The following MZT1 variants were observed in gnomAD, a reference collection of about 807,000 sequenced individuals.
The protein encoded by MZT1 is mitotic spindle organizing protein 1, also known as mitotic-spindle organizing protein 1.
A neutral mutation model predicts 8.5 loss-of-function variants in MZT1; 8 were observed. The ratio of observed to expected loss-of-function variants is 0.94; its 90% CI spans 0.55 to 1.70. The LOEUF (loss-of-function observed/expected upper bound fraction) is 1.70, where lower values mean the gene tolerates loss of function less well. MZT1 is among the 40% of genes most tolerant of loss of function. The probability of loss-of-function intolerance (pLI) is 0.00; values close to 1 mark genes in which losing one functional copy is unlikely to be tolerated. For missense variants in MZT1, 93 were observed against 108.6 expected (o/e 0.86, Z 0.64); for synonymous variants, 38 against 42.0 (o/e 0.90, Z 0.37).
rs1308387606 is a variant in MZT1, at chr13:72,715,766, T to G, written c.225+3186A>C. On this transcript the variant is annotated intron_variant, in intron 2 of 2. Coordinates refer to ENST00000377818, the MANE Select transcript of MZT1 (RefSeq NM_001071775.3). ...CTCTCTTGCTCCTGTTTTTGCCATG[T>G]GACATGCCTTCTCCCCCTTTGTTTC... 2.0e-5 allele frequency among the ~76,000 whole-genome samples: 3 copies of G among 152,180 alleles called. No homozygotes were observed. The East Asian group carries it at 5.8e-4, about 29-fold the overall frequency.
chr13:72,724,719 C>CATAT (rs1217685191), intron 1 of MZT1, among the ~76,000 whole-genome samples: 15 of 27,798 alleles, frequency 5.4e-4, no homozygotes, highest in East Asian at 3.5e-3. Flanking sequence ...TATATATATA[C>CATAT]ATATATATAT....
At chr13:72,725,222 C>T (rs2138021453) in intron 1 of MZT1, among the ~76,000 whole-genome samples, 1 of 152,040 alleles carries the variant, frequency 6.6e-6, no homozygotes, top group South Asian at 2.1e-4. Flanking sequence ...AAGAGGCAAC[C>T]ATACACAGTG....
chr13:72,726,312 T>G (rs921534096), intron 1 of MZT1, among the ~76,000 whole-genome samples: 1 of 152,014 alleles, frequency 6.6e-6, no homozygotes, highest in Non-Finnish European at 1.5e-5. Flanking sequence ...GCACCTGTAA[T>G]CCCAGCTACT....
At position 72,718,980 on chromosome 13, in the gene MZT1, T is replaced by C; in HGVS notation, c.197A>G (p.Glu66Gly). 6.3e-7 allele frequency: 1 copy of C among 1,581,528 alleles called. No homozygotes were observed. Among genetic ancestry groups the C allele is most frequent in the South Asian group, 1.2e-5 (1 of 84,354 alleles). The change falls in exon 2 of 3, where the codon GAG becomes GGG. Residue 66 changes from glutamate to glycine, a missense_variant. Coordinates refer to ENST00000377818, the MANE Select transcript of MZT1 (RefSeq NM_001071775.3). ...CAGTGCTTCAGTAGCCTTGCGAAGC[T>C]CCTTAATAACCGATGATAAAGCTTC... The part of the protein sequence containing the change: ...NPEALSSVIK[E>G]LRKATEALKA...
At chr13:72,726,461 G>A (rs1433376634) in intron 1 of MZT1, among the ~76,000 whole-genome samples, 1 of 152,072 alleles carries the variant, frequency 6.6e-6, no homozygotes, top group Non-Finnish European at 1.5e-5. Flanking sequence ...TACGGTGAAG[G>A]AGAGAGAGAT....
chr13:72,717,337 C>CTTTT (rs1172063809), intron 2 of MZT1, among the ~76,000 whole-genome samples: 12 of 110,974 alleles, frequency 1.1e-4, no homozygotes, highest in African/African-American at 2.8e-4. Context: ...CTGTCACTTT[C>CTTTT]TTTTTTTTTT....
At chr13:72,726,628 T>A (rs1029380181) in intron 1 of MZT1, among the ~76,000 whole-genome samples, 2 of 150,574 alleles carry the variant, frequency 1.3e-5, no homozygotes, top group East Asian at 3.9e-4. Context: ...GAAAGAAGAC[T>A]ACAAGAGAGA....
Position 72,718,955 on chromosome 13 carries a change from C to G in MZT1, c.222G>C (p.Leu74=). 1.3e-6 allele frequency: 2 copies of G among 1,561,716 alleles called. No homozygotes were observed. The highest frequency in any genetic ancestry group is 8.6e-7 in the Non-Finnish European group (1 of 1,163,732). Reference sequence around the variant, plus strand: ...TGAACTAATAGGAATCTCCAACCTTCAGTGCTTCAGTAGCCTTGCGAAGCT... The same window carrying G: ...TGAACTAATAGGAATCTCCAACCTTGAGTGCTTCAGTAGCCTTGCGAAGCT... ...IKELRKATEA[L]KAAENMTS Residue 74 remains leucine, a synonymous_variant, in exon 2 of 3, where the codon CTG becomes CTC. Coordinates refer to ENST00000377818, the MANE Select transcript of MZT1 (RefSeq NM_001071775.3).
rs755448899 is a variant in MZT1, at chr13:72,727,554, TCGCCGCCGCGGCCGC to T, written c.34_48del (p.Ala12_Ala16del). ...ATGGTCTCCCGCACCGCATTCAGAT[TCGCCGCCGCGGCCGC>T]CGCCGCCGCCCCAGCACCGCTGCTA... On this transcript the variant is annotated inframe_deletion, in exon 1 of 3. Transcript: ENST00000377818. The T allele has an allele frequency of 6.8e-6, 11 of 1,609,736 alleles. No homozygotes were observed. Among genetic ancestry groups the T allele is most frequent in the Admixed American group, 5.0e-5 (3 of 59,784 alleles).
rs367968036 is a variant in MZT1 at position 72,709,006 on chromosome 13, T to A, written c.*1316A>T. 1 of 152,056 alleles carries A rather than the reference T, an allele frequency of 6.6e-6. No individual in the cohort carries two copies. The highest frequency in any genetic ancestry group is 2.1e-4 in the South Asian group (1 of 4,834). 9.4% of individuals were successfully genotyped at this position (152,056 alleles called of 1,614,324 possible). A position where few individuals can be genotyped will look rare whatever the true frequency, so the allele number is the denominator to read the frequency against. On this transcript the variant is annotated 3_prime_UTR_variant, in exon 3 of 3. Coordinates refer to ENST00000377818, the MANE Select transcript of MZT1 (RefSeq NM_001071775.3). ...ATAATAAAATCAGATGAAATCCATA[T>A]TAGTTTTGCAAAAAAACTCCACTGA...
chr13:72,724,214 C>A (rs1045885853), intron 1 of MZT1, among the ~76,000 whole-genome samples: 4 of 152,112 alleles, frequency 2.6e-5, no homozygotes, highest in African/African-American at 9.7e-5. Flanking sequence ...ATAAAAAAAT[C>A]AAACTTGCAT....
chr13:72,726,132 C>A lies in MZT1; in HGVS notation c.79+1392G>T, dbSNP rs139662318. Among the ~76,000 whole-genome samples the A allele has an allele frequency of 5.0e-3, 759 of 151,200 alleles. 8 individuals carry two copies. The highest frequency in any genetic ancestry group is 0.016 in the African/African-American group (683 of 41,492). On this transcript the variant is annotated intron_variant, in intron 1 of 2. Transcript: ENST00000377818. ...AAAGCCAGCAGCCCCTCTGCAAGTG[C>A]TACATAAGAAAATGAGGCCGGGCAT...
rs2032569758 is a variant in MZT1, at chr13:72,719,114, A to C, written c.80-17T>G. On this transcript the variant is annotated splice_polypyrimidine_tract_variant and intron_variant, in intron 1 of 2. Coordinates refer to ENST00000377818, the MANE Select transcript of MZT1 (RefSeq NM_001071775.3). ...CAAGCAGAACTGAAAAAAGATACAA[A>C]AAAAAAAAAAACTTAAGGCTTACAG... 4 of 1,512,604 alleles carry C rather than the reference A, an allele frequency of 2.6e-6. No homozygotes were observed. The African/African-American group carries it at 5.7e-5, about 21-fold the overall frequency. 93.7% of individuals were successfully genotyped at this position (1,512,604 alleles called of 1,614,324 possible).
At chr13:72,717,341 T>TTTC (rs202201293) in intron 2 of MZT1, among the ~76,000 whole-genome samples, 53 of 120,016 alleles carry the variant, frequency 4.4e-4, no homozygotes, top group East Asian at 8.2e-4. Flanking sequence ...CACTTTCTTT[T>TTTC]TTTTTTTTTT....
chr13:72,710,554 G>C (rs188769722), intron 2 of MZT1, among the ~76,000 whole-genome samples: 118 of 152,270 alleles, frequency 7.7e-4, no homozygotes, highest in Non-Finnish European at 1.4e-3. Context: ...CAGGCTAACA[G>C]TGGAAAATAG....
At chr13:72,719,201 A>G in intron 1 of MZT1, 104 bp from the exon 2 acceptor site, 1 of 890,896 alleles carries the variant, frequency 1.1e-6, no homozygotes, top group Non-Finnish European at 1.5e-6. Flanking sequence ...ATACCAAGGA[A>G]TTAGCATAGC....
chr13:72,718,996 A>G lies in MZT1; in HGVS notation c.181T>C (p.Ser61Pro). 5 of 1,594,476 alleles carry G rather than the reference A, an allele frequency of 3.1e-6. No individual in the cohort carries two copies. Among genetic ancestry groups the G allele is most frequent in the Non-Finnish European group, 3.4e-6 (4 of 1,172,704 alleles). The stretch of plus-strand genomic sequence containing the variant: ...TTGCGAAGCTCCTTAATAACCGATG[A>G]TAAAGCTTCTGGGTTAATTCCTTGT... ...CEQGINPEAL[S>P]SVIKELRKAT... Residue 61 changes from serine to proline, a missense_variant, in exon 2 of 3, where the codon TCA becomes CCA. Ser to Pro is a moderately conservative substitution (Grantham distance 74, BLOSUM62 -1). Coordinates refer to ENST00000377818, the MANE Select transcript of MZT1 (RefSeq NM_001071775.3).
At chr13:72,718,480 CTT>C (rs749593284) in intron 2 of MZT1, among the ~76,000 whole-genome samples, 13 of 142,306 alleles carry the variant, frequency 9.1e-5, no homozygotes, top group Admixed American at 7.1e-5. Flanking sequence ...AGTAATTTTT[CTT>C]TTTTTTTTTT....
chr13:72,716,107 G>A (rs2032532722), intron 2 of MZT1, among the ~76,000 whole-genome samples: 1 of 151,964 alleles, frequency 6.6e-6, no homozygotes, highest in Admixed American at 6.6e-5. Flanking sequence ...AGTAGAGATG[G>A]GTTTCACTAT....
Sources: gnomAD v4.1 joint callset for allele counts (sites outside exome capture counted in the v4.1 genomes callset) on GRCh38, gnomAD v4.1.1 for gene constraint, MANE v1.5 for transcripts, NCBI Gene and HGNC (gene_info 2026-07-23, HGNC 2026-07-21) for gene names.